Variants in MACF1 observed in about 807,000 individuals in gnomAD.
MACF1 encodes microtubule-actin cross-linking factor 1.
Under a neutral mutation model 854.8 loss-of-function variants are expected in MACF1, and 193 were observed. That is an observed-to-expected ratio of 0.23 (90% CI 0.20 to 0.25). The LOEUF is 0.25. MACF1 is among the 10% of genes least tolerant of loss of function. MACF1 has a pLI of 1.00. For missense variants in MACF1, 7,722 were observed against 8,929.1 expected (o/e 0.86, Z 5.45); for synonymous variants, 3,185 against 3,226.7 (o/e 0.99, Z 0.44).
intron 2 of MACF1, among the ~76,000 whole-genome samples, chr1:39,150,940 T>A (rs945172786): frequency 6.6e-6 from 1 of 152,236 alleles, no homozygotes; most frequent in Non-Finnish European, 1.5e-5. Context: ...GTGATCTTAT[T>A]TGTACTCATG....
intron 2 of MACF1, among the ~76,000 whole-genome samples, chr1:39,144,428 C>T (rs530482329): frequency 1.3e-5 from 2 of 152,194 alleles, no homozygotes; most frequent in African/African-American, 4.8e-5. Flanking sequence ...TTCATGAGAA[C>T]TCTCATAATC....
intron 72 of MACF1, 67 bp downstream of exon 72, chr1:39,439,567 A>G: frequency 1.5e-6 from 2 of 1,297,402 alleles, no homozygotes; most frequent in Admixed American, 1.9e-5. Flanking sequence ...TATCAAATCA[A>G]AGTGAGGTAT....
At chr1:39,385,238 T>C (rs945505700) in intron 56 of MACF1, among the ~76,000 whole-genome samples, 196 bp from the exon 57 acceptor site, 1 of 152,094 alleles carries the variant, frequency 6.6e-6, no homozygotes, top group Non-Finnish European at 1.5e-5. Context: ...CCACTAATTT[T>C]TGTATTTTTA....
chr1:39,313,030 G>A (rs902076956), intron 26 of MACF1, among the ~76,000 whole-genome samples: 40 of 152,196 alleles, frequency 2.6e-4, no homozygotes, highest in African/African-American at 9.4e-4. Context: ...TCTTTAACTT[G>A]AAATAGTTTC....
Position 39,360,911 on chromosome 1 carries a change from G to C in MACF1, c.12363G>C (p.Gln4121His). 1 of 1,614,068 alleles carries C rather than the reference G, an allele frequency of 6.2e-7. No individual in the cohort carries two copies. The highest frequency in any genetic ancestry group is 8.5e-7 in the Non-Finnish European group (1 of 1,180,016). ...SVQESLESLLQSIGEVEQNLE... is the reference protein window; with the variant it reads ...SVQESLESLLHSIGEVEQNLE... ...AGGAAAGCCTGGAGAGCCTGTTGCA[G>C]TCTATTGGGGAAGTTGAACAAAACC... Residue 4121 changes from glutamine to histidine, a missense_variant, in exon 48 of 101, where the codon CAG becomes CAC. Physicochemically the swap from Gln to His is conservative, Grantham distance 24. Around this residue, in one of 15 missense-constraint regions of MACF1, gnomAD observed 2,807 missense variants for 3,235.8 expected, o/e 0.87. Transcript: ENST00000564288.
intron 94 of MACF1, 80 bp downstream of exon 94, chr1:39,463,766 G>C: frequency 8.0e-7 from 1 of 1,255,412 alleles, no homozygotes; most frequent in Non-Finnish European, 1.2e-6. Context: ...CTGATGCTTA[G>C]AGGCCCAGAG....
intron 2 of MACF1, among the ~76,000 whole-genome samples, chr1:39,127,852 A>G (rs1157047462): frequency 6.9e-6 from 1 of 145,606 alleles, no homozygotes; most frequent in Admixed American, 6.7e-5. Context: ...AAGTTACTTA[A>G]AAAAAAAAAT....
chr1:39,394,679 TG>T (rs1642203346), intron 58 of MACF1, among the ~76,000 whole-genome samples: 1 of 152,148 alleles, frequency 6.6e-6, no homozygotes, highest in Admixed American at 6.5e-5. Context: ...GTTGAAAGAC[TG>T]CCAGTTTACT....
intron 6 of MACF1, among the ~76,000 whole-genome samples, chr1:39,259,899 G>A (rs1645140127): frequency 6.6e-6 from 1 of 152,184 alleles, no homozygotes; most frequent in Non-Finnish European, 1.5e-5. Flanking sequence ...TTACAGGCGT[G>A]AGCCACCGTG....
intron 2 of MACF1, among the ~76,000 whole-genome samples, chr1:39,125,377 G>A (rs904420807): frequency 3.3e-5 from 5 of 152,172 alleles, no homozygotes; most frequent in Admixed American, 6.5e-5. Flanking sequence ...TGATTTCCTC[G>A]TTAGTAGTGG....
intron 6 of MACF1, among the ~76,000 whole-genome samples, chr1:39,266,240 T>C (rs1645229927): frequency 6.6e-6 from 1 of 152,248 alleles, no homozygotes; most frequent in African/African-American, 2.4e-5. Flanking sequence ...TTGTATGTCA[T>C]TCATAAAATT....
At chr1:39,412,601 CTG>C (rs768991964) in intron 58 of MACF1, 12 of 1,613,858 alleles carry the variant, frequency 7.4e-6, no homozygotes, top group African/African-American at 2.7e-5. Context: ...GGAGTGGAAA[CTG>C]TGAATGATAC....
Position 39,387,212 on chromosome 1 carries a change from A to G in MACF1, c.14370A>G (p.Ala4790=). The G allele has an allele frequency of 2.5e-6, 4 of 1,613,988 alleles. No individual in the cohort carries two copies. Among genetic ancestry groups the G allele is most frequent in the Non-Finnish European group, 3.4e-6 (4 of 1,179,918 alleles). The change falls in exon 58 of 101, where the codon GCA becomes GCG. Residue 4790 remains alanine, a synonymous_variant. Coordinates refer to ENST00000564288, the MANE Select transcript of MACF1 (RefSeq NM_001394062.1). ...CCGATCGCATTAACAGACTCCAGGC[A>G]GCTCTTGCCAGCACCCAGCAGTTCC... is the stretch of plus-strand genomic sequence containing the variant. ...LAADRINRLQ[A]ALASTQQFQQ... is the part of the protein sequence containing the mutation.
chr1:39,284,100 G>A lies in MACF1; in HGVS notation c.950G>A (p.Arg317Gln), dbSNP rs777981456. Reference sequence around the variant, plus strand: ...TCCAGGTGGCAAGAATACCAAAGCCGAGTGGACTCCCTCATTCCCTGGATC... The same window carrying A: ...TCCAGGTGGCAAGAATACCAAAGCCAAGTGGACTCCCTCATTCCCTGGATC... ...VDSRWQEYQS[R>Q]VDSLIPWIKQ... is the part of the protein sequence containing the mutation. Residue 317 changes from arginine to glutamine, a missense_variant, in exon 10 of 101, where the codon CGA becomes CAA. By Grantham distance (43) the Arg-to-Gln change is conservative. This residue lies in a region of MACF1 where 97 missense variants were observed against 130.4 expected (regional missense o/e 0.74). Transcript: ENST00000564288. 9 of 1,613,918 alleles carry A rather than the reference G, an allele frequency of 5.6e-6. No homozygotes were observed. In the East Asian group the frequency reaches 6.7e-5, roughly 12 times the overall value.
chr1:39,359,373 G>A (rs1463694603), intron 47 of MACF1, 109 bp downstream of exon 47: 2 of 1,261,458 alleles, frequency 1.6e-6, no homozygotes, highest in Non-Finnish European at 2.2e-6. Flanking sequence ...CAGGCTAGAG[G>A]CTGAGAATAT....
Position 39,336,182 on chromosome 1 carries a change from A to T in MACF1, c.9594A>T (p.Glu3198Asp). 6.2e-7 allele frequency: 1 copy of T among 1,614,202 alleles called. No homozygotes were observed. Among genetic ancestry groups the T allele is most frequent in the Non-Finnish European group, 8.5e-7 (1 of 1,180,020 alleles). The change falls in exon 37 of 101, where the codon GAA becomes GAT. Residue 3198 changes from glutamate to aspartate, a missense_variant. Physicochemically the swap from Glu to Asp is conservative, Grantham distance 45. This residue lies in a region of MACF1 where 854 missense variants were observed against 852.6 expected (regional missense o/e 1.00). Transcript: ENST00000564288. ...CAGTTTCTAGACCAGATTCAAAAGA[A>T]GTCAGGTATCTAGAATTCTCAGACA... ...EITVSRPDSK[E>D]VRYLEFSDRK...
At chr1:39,306,860 A>AATTATTATT (rs141461887) in intron 23 of MACF1, among the ~76,000 whole-genome samples, 1,835 of 144,868 alleles carry the variant, frequency 0.013, 15 homozygotes, top group East Asian at 0.026. Context: ...CATTTTTTGA[A>AATTATTATT]ATTATTATTA....
chr1:39,477,264 ACCC>A (rs1644927013), intron 97 of MACF1, among the ~76,000 whole-genome samples: 1 of 151,260 alleles, frequency 6.6e-6, no homozygotes, highest in Admixed American at 6.6e-5. Context: ...TTAATTTCTC[ACCC>A]AGGTTAGAGT....
In MACF1 at chr1:39,332,137, G is replaced by C; in HGVS notation, c.5549G>C (p.Gly1850Ala). ...VILESLWSFM[G>A]LLWPESGEIL... The stretch of plus-strand genomic sequence containing the variant: ...CTGGAGTCCCTCTGGTCATTCATGG[G>C]GTTGCTGTGGCCTGAATCTGGAGAG... The change falls in exon 37 of 101, where the codon GGG (glycine) becomes GCG (alanine). Residue 1850 changes from glycine (G) to alanine (A), a missense_variant. Gly to Ala is a moderately conservative substitution (Grantham distance 60). Coordinates refer to ENST00000564288, the MANE Select transcript of MACF1 (RefSeq NM_001394062.1). 6.2e-7 allele frequency: 1 copy of C among 1,614,032 alleles called. No homozygotes were observed. Among genetic ancestry groups the C allele is most frequent in the Non-Finnish European group, 8.5e-7 (1 of 1,180,016 alleles).
Sources: gnomAD v4.1 joint callset for allele counts (sites outside exome capture counted in the v4.1 genomes callset) on GRCh38, gnomAD v4.1.1 for gene constraint, gnomAD v4.1.1 regional missense constraint, MANE v1.5 for transcripts, NCBI Gene and HGNC (gene_info 2026-07-23, HGNC 2026-07-21) for gene names.